The following LANCL2 variants were observed in gnomAD, a reference collection of about 807,000 sequenced individuals.
The protein encoded by LANCL2 is LanC like glutathione S-transferase 2.
A neutral mutation model predicts 56.9 loss-of-function variants in LANCL2; 33 were observed. The ratio of observed to expected loss-of-function variants is 0.58; its 90% CI spans 0.44 to 0.78. The LOEUF (loss-of-function observed/expected upper bound fraction) is 0.78, where lower values mean the gene tolerates loss of function less well. Among genes scored for constraint, LANCL2 ranks in the 30% least tolerant of loss-of-function variants. The pLI is 0.00. For missense variants in LANCL2, 562 were observed against 580.2 expected (o/e 0.97, Z 0.32); for synonymous variants, 233 against 228.2 (o/e 1.02, Z -0.19).
intron 1 of LANCL2, among the ~76,000 whole-genome samples, chr7:55,386,423 G>T (rs1790126778): frequency 6.6e-6 from 1 of 152,274 alleles, no homozygotes; most frequent in Non-Finnish European, 1.5e-5. Flanking sequence ...CTGTTTGGGG[G>T]TCCCTGACTT....
At chr7:55,392,152 G>T (rs1790198530) in intron 2 of LANCL2, among the ~76,000 whole-genome samples, 1 of 151,968 alleles carries the variant, frequency 6.6e-6, no homozygotes, top group African/African-American at 2.4e-5. Context: ...AATTAGCCAG[G>T]TGTGGTGTCG....
At position 55,366,172 on chromosome 7, in the gene LANCL2, T is replaced by C. The variant is rs1162374504; in HGVS notation, c.147T>C (p.Cys49=). Residue 49 remains cysteine, a synonymous_variant, in exon 1 of 9, where the codon TGT becomes TGC. Transcript: ENST00000254770. ...LASGAAEETG[C]VRPPATTDEP... is the part of the protein sequence containing the mutation. ...CCGGAGCGGCCGAAGAGACAGGCTG[T>C]GTTCGTCCCCCGGCGACCACGGATG... is the stretch of plus-strand genomic sequence containing the variant. 2.6e-6 allele frequency: 4 copies of C among 1,558,976 alleles called. No homozygotes were observed. The African/African-American group carries it at 4.1e-5, about 16-fold the overall frequency.
intron 1 of LANCL2, among the ~76,000 whole-genome samples, chr7:55,370,794 G>C (rs1006517981): frequency 7.9e-5 from 12 of 152,176 alleles, no homozygotes; most frequent in Admixed American, 7.9e-4. Context: ...CGGCATGACT[G>C]GAGAAGAGGG....
chr7:55,378,681 C>T (rs765791935), intron 1 of LANCL2, among the ~76,000 whole-genome samples: 3 of 151,896 alleles, frequency 2.0e-5, no homozygotes, highest in Non-Finnish European at 4.4e-5. Flanking sequence ...GAATTTGGTT[C>T]CAGTATAAAC....
chr7:55,384,706 A>G (rs1790105927), intron 1 of LANCL2, among the ~76,000 whole-genome samples: 1 of 152,210 alleles, frequency 6.6e-6, no homozygotes, highest in African/African-American at 2.4e-5. Context: ...TATATAGGGA[A>G]TTTTACTGAC....
Position 55,365,619 on chromosome 7 carries a change from G to C in LANCL2, c.-407G>C, listed in dbSNP as rs552325987. The C allele has an allele frequency of 6.3e-6, 1 of 159,302 alleles. No individual in the cohort carries two copies. The highest frequency in any genetic ancestry group is 2.4e-5 in the African/African-American group (1 of 41,778). 9.9% of individuals were successfully genotyped at this position (159,302 alleles called of 1,614,324 possible). ...GCGTTCGGTTTTCTTTGGAAATCGC[G>C]GAGGGGGCTGGCCGGGCGCAGCGAT... On this transcript the variant is annotated 5_prime_UTR_variant, in exon 1 of 9. Coordinates refer to ENST00000254770, the MANE Select transcript of LANCL2 (RefSeq NM_018697.4).
intron 5 of LANCL2, 30 bp from the exon 6 acceptor site, chr7:55,411,877 A>G: frequency 6.3e-7 from 1 of 1,585,912 alleles, no homozygotes; most frequent in Non-Finnish European, 8.6e-7. Context: ...CAGAGAAAAT[A>G]ATTTGTGTTT....
intron 6 of LANCL2, among the ~76,000 whole-genome samples, chr7:55,415,611 G>GTTTTTTTTTTTTTTTTTTTTT (rs1554384834): frequency 1.6e-5 from 1 of 64,348 alleles, no homozygotes; most frequent in Non-Finnish European, 3.6e-5. Context: ...GTTTATCATT[G>GTTTTTTTTTTTTTTTTTTTTT]TTTTTCTTTC....
chr7:55,432,110 GTTCCAGAACATT>G lies in LANCL2; in HGVS notation c.*792_*803del, dbSNP rs1554387416. ...AGGCAGCAGTGACTAAGCACTGGCAGTTCCAGAACATTTACCCAGGTATATGTTACTAAAACA... is the reference window on the plus strand; with the variant it reads ...AGGCAGCAGTGACTAAGCACTGGCAGTACCCAGGTATATGTTACTAAAACA... On this transcript the variant is annotated 3_prime_UTR_variant, in exon 9 of 9. Coordinates refer to ENST00000254770, the MANE Select transcript of LANCL2 (RefSeq NM_018697.4). 6.6e-6 allele frequency: 1 copy of G among 152,200 alleles called. No individual in the cohort carries two copies. The highest frequency in any genetic ancestry group is 1.5e-5 in the Non-Finnish European group (1 of 68,034). 9.4% of individuals were successfully genotyped at this position (152,200 alleles called of 1,614,324 possible). A position where few individuals can be genotyped will look rare whatever the true frequency, so the allele number is the denominator to read the frequency against.
intron 2 of LANCL2, among the ~76,000 whole-genome samples, chr7:55,394,573 G>C (rs1790228022): frequency 1.3e-5 from 2 of 152,176 alleles, no homozygotes; most frequent in Admixed American, 1.3e-4. Flanking sequence ...AAAAGAAGAA[G>C]AAGAATGAAT....
intron 1 of LANCL2, among the ~76,000 whole-genome samples, chr7:55,373,947 C>T (rs995423995): frequency 7.2e-5 from 11 of 152,102 alleles, no homozygotes; most frequent in African/African-American, 2.4e-4. Context: ...TATAACAAAC[C>T]GAGTTTCTTT....
chr7:55,407,043 G>C (rs575488273), intron 5 of LANCL2, among the ~76,000 whole-genome samples: 1 of 152,288 alleles, frequency 6.6e-6, no homozygotes, highest in Non-Finnish European at 1.5e-5. Context: ...GTGGGCTTGG[G>C]GGACTCTCTG....
chr7:55,398,580 G>A lies in LANCL2; in HGVS notation c.480G>A (p.Val160=), dbSNP rs371252563. 34 of 1,613,988 alleles carry A rather than the reference G, an allele frequency of 2.1e-5. No homozygotes were observed. The highest frequency in any genetic ancestry group is 1.2e-4 in the Admixed American group (7 of 60,010). Residue 160 remains valine (V), a synonymous_variant, in exon 3 of 9, where the codon GTG becomes GTA. Coordinates refer to ENST00000254770, the MANE Select transcript of LANCL2 (RefSeq NM_018697.4). ...GDAGPLAVGA[V]IYHKLRSDCE... ...CTGGCCCCCTGGCTGTTGGAGCTGT[G>A]ATTTATCACAAACTCAGAAGTGACT...
At chr7:55,385,657 G>C (rs1790117033) in intron 1 of LANCL2, among the ~76,000 whole-genome samples, 1 of 152,264 alleles carries the variant, frequency 6.6e-6, no homozygotes, top group South Asian at 2.1e-4. Flanking sequence ...GTGGAGGCAG[G>C]GCGAGATCAC....
At position 55,366,186 on chromosome 7, in the gene LANCL2, C is replaced by T. The variant is rs1188726725; in HGVS notation, c.161C>T (p.Ala54Val). ...AEETGCVRPP[A>V]TTDEPGLPFH... ...GAGACAGGCTGTGTTCGTCCCCCGG[C>T]GACCACGGATGAGCCCGGCCTCCCT... The change falls in exon 1 of 9, where the codon GCG (alanine) becomes GTG (valine). Residue 54 changes from alanine (A) to valine (V), a missense_variant. Physicochemically the swap from Ala to Val is moderately conservative, Grantham distance 64. Transcript: ENST00000254770. 2 of 1,556,016 alleles carry T rather than the reference C, an allele frequency of 1.3e-6. No individual in the cohort carries two copies. Among genetic ancestry groups the T allele is most frequent in the Admixed American group, 1.9e-5 (1 of 53,612 alleles).
chr7:55,418,574 C>T lies in LANCL2; in HGVS notation c.1008+6485C>T, dbSNP rs1483070908. Among the ~76,000 whole-genome samples, 3 of 152,150 alleles carry T rather than the reference C, an allele frequency of 2.0e-5. No individual in the cohort carries two copies. In the East Asian group the frequency reaches 5.8e-4, roughly 29 times the overall value. On this transcript the variant is annotated intron_variant, in intron 6 of 8. Coordinates refer to ENST00000254770, the MANE Select transcript of LANCL2 (RefSeq NM_018697.4). The stretch of plus-strand genomic sequence containing the variant: ...TACATTACTTAGGATTTTCTGTGTA[C>T]ACATATTGTATCTGTGAGTTTTCTT...
chr7:55,417,226 G>T lies in LANCL2; in HGVS notation c.1008+5137G>T, dbSNP rs143349276. 2.2e-3 allele frequency among the ~76,000 whole-genome samples: 337 copies of T among 152,000 alleles called. 3 individuals carry two copies. Among genetic ancestry groups the T allele is most frequent in the African/African-American group, 7.9e-3 (326 of 41,486 alleles). ...TATCTCCTAACCTCATGATCTGCCC[G>T]CCTCGGCCTCCCAAAGTGCTGGGAT... is the stretch of plus-strand genomic sequence containing the variant. On this transcript the variant is annotated intron_variant, in intron 6 of 8. Coordinates refer to ENST00000254770, the MANE Select transcript of LANCL2 (RefSeq NM_018697.4).
In LANCL2 at chr7:55,366,199, G is replaced by C. The variant is rs768263181; in HGVS notation, c.174G>C (p.Glu58Asp). The change falls in exon 1 of 9, where the codon GAG becomes GAC. Residue 58 changes from glutamate (E) to aspartate (D), a missense_variant. By Grantham distance (45) the Glu-to-Asp change is conservative (BLOSUM62 2). Transcript: ENST00000254770. ...GCVRPPATTD[E>D]PGLPFHQDGK... is the part of the protein sequence containing the mutation. ...TTCGTCCCCCGGCGACCACGGATGAGCCCGGCCTCCCTTTTCATCAGGACG... is the reference window on the plus strand; with the variant it reads ...TTCGTCCCCCGGCGACCACGGATGACCCCGGCCTCCCTTTTCATCAGGACG... 5.6e-5 allele frequency: 86 copies of C among 1,543,356 alleles called. No homozygotes were observed. Among genetic ancestry groups the C allele is most frequent in the Non-Finnish European group, 6.9e-5 (79 of 1,141,634 alleles).
chr7:55,415,235 A>G (rs557867598), intron 6 of LANCL2, among the ~76,000 whole-genome samples: 3 of 152,270 alleles, frequency 2.0e-5, no homozygotes, highest in East Asian at 1.9e-4. Context: ...GGTAAATGCA[A>G]TGTCCAAAAA....
Sources: gnomAD v4.1 joint callset for allele counts (sites outside exome capture counted in the v4.1 genomes callset) on GRCh38, gnomAD v4.1.1 for gene constraint, MANE v1.5 for transcripts, NCBI Gene and HGNC (gene_info 2026-07-23, HGNC 2026-07-21) for gene names.